The following TRIO variants were observed in gnomAD, a reference collection of about 807,000 sequenced individuals.
The protein encoded by TRIO is triple functional domain protein.
Under a neutral mutation model 351.9 loss-of-function variants are expected in TRIO, and 58 were observed. That is an observed-to-expected ratio of 0.16 (90% confidence interval 0.13 to 0.21). The LOEUF (loss-of-function observed/expected upper bound fraction) is 0.21. Ranked by LOEUF, TRIO falls within the 10% of genes least tolerant of loss-of-function variation. TRIO has a pLI of 1.00. For synonymous variants in TRIO, 1,758 were observed against 1,595.7 expected (o/e 1.10, Z -2.42); for missense variants, 3,201 against 4,027.8 (o/e 0.79, Z 5.56).
intron 1 of TRIO, among the ~76,000 whole-genome samples, chr5:14,241,843 T>C (rs572321182): frequency 6.6e-6 from 1 of 152,342 alleles, no homozygotes; most frequent in East Asian, 1.9e-4. Context: ...GCCAAAGATG[T>C]GGGACAAATT....
chr5:14,479,441 C>A, intron 42 of TRIO, 91 bp downstream of exon 42: 1 of 1,167,904 alleles, frequency 8.6e-7, no homozygotes, highest in Non-Finnish European at 1.2e-6. Context: ...TCCCAGGAGA[C>A]TAATTTCCAA....
At chr5:14,204,687 G>T (rs550953922) in intron 1 of TRIO, among the ~76,000 whole-genome samples, 8 of 152,284 alleles carry the variant, frequency 5.3e-5, no homozygotes, top group African/African-American at 1.9e-4. Context: ...ATGCTATTCA[G>T]ATTTTGGGGA....
chr5:14,336,492 C>T (rs1579359593), intron 10 of TRIO, 44 bp from the exon 11 acceptor site: 1 of 1,602,176 alleles, frequency 6.2e-7, no homozygotes, highest in Non-Finnish European at 8.5e-7. Flanking sequence ...GGCTGGTCTG[C>T]TTTTCACTTA....
chr5:14,349,191 T>C (rs968622751), intron 11 of TRIO, among the ~76,000 whole-genome samples: 3 of 151,390 alleles, frequency 2.0e-5, no homozygotes, highest in Admixed American at 6.6e-5. Flanking sequence ...TTCCTGTGTG[T>C]ATATGTGTGC....
Position 14,143,864 on chromosome 5 carries a change from G to A in TRIO, c.139G>A (p.Ala47Thr). The A allele has an allele frequency of 1.9e-6, 2 of 1,075,962 alleles. No individual in the cohort carries two copies. The highest frequency in any genetic ancestry group is 1.7e-5 in the African/African-American group (1 of 59,200). 66.7% of individuals were successfully genotyped at this position (1,075,962 alleles called of 1,614,324 possible). The change falls in exon 1 of 57, where the codon GCG (alanine) becomes ACG (threonine). Residue 47 changes from alanine (A) to threonine (T), a missense_variant. Around this residue, in one of 19 missense-constraint regions of TRIO, gnomAD observed 109 missense variants for 134.6 expected, o/e 0.81. Coordinates refer to ENST00000344204, the MANE Select transcript of TRIO (RefSeq NM_007118.4). ...GGCGGCCAAGGACCTGGCCGACATC[G>A]CGGCCTTCTTCCGATCCGGTGAGTG... Reference protein sequence around the residue: ...EEAAKDLADIAAFFRSGFRKN... With the variant: ...EEAAKDLADITAFFRSGFRKN...
At chr5:14,472,829 A>G (rs1431967545) in intron 39 of TRIO, among the ~76,000 whole-genome samples, 171 bp downstream of exon 39, 1 of 152,256 alleles carries the variant, frequency 6.6e-6, no homozygotes, top group Non-Finnish European at 1.5e-5. Context: ...AATTGTCTTT[A>G]CCATCTGTAT....
At chr5:14,283,072 C>A (rs149172062) in intron 3 of TRIO, among the ~76,000 whole-genome samples, 1 of 151,006 alleles carries the variant, frequency 6.6e-6, no homozygotes, top group East Asian at 1.9e-4. Flanking sequence ...TGGTTTTAAC[C>A]AAACAAATTA....
intron 34 of TRIO, among the ~76,000 whole-genome samples, chr5:14,451,085 A>G (rs1020393310): frequency 6.6e-6 from 1 of 152,224 alleles, no homozygotes; most frequent in Admixed American, 6.5e-5. Flanking sequence ...CCGAACCACC[A>G]AAAGGGTAAC....
intron 1 of TRIO, among the ~76,000 whole-genome samples, chr5:14,175,771 C>G (rs1176461791): frequency 6.6e-6 from 1 of 152,196 alleles, no homozygotes; most frequent in African/African-American, 2.4e-5. Context: ...ACTATACATG[C>G]ATTTAGTGAG....
intron 49 of TRIO, 66 bp from the exon 50 acceptor site, chr5:14,496,813 G>A (rs184970438): frequency 2.5e-6 from 4 of 1,576,964 alleles, no homozygotes; most frequent in East Asian, 2.3e-5. Flanking sequence ...TTTCTTTAAC[G>A]CTTCCAGGCA....
chr5:14,457,472 T>C (rs1753438607), intron 34 of TRIO, among the ~76,000 whole-genome samples: 1 of 147,684 alleles, frequency 6.8e-6, no homozygotes, highest in Non-Finnish European at 1.5e-5. Flanking sequence ...AGGAAATCTC[T>C]TTCGAACCAG....
At chr5:14,271,766 A>G (rs984533400) in intron 2 of TRIO, among the ~76,000 whole-genome samples, 6 of 152,260 alleles carry the variant, frequency 3.9e-5, no homozygotes, top group African/African-American at 1.4e-4. Flanking sequence ...TGATCTGTGT[A>G]TCCTCTTGAA....
intron 18 of TRIO, among the ~76,000 whole-genome samples, chr5:14,372,259 A>AGG (rs1211343553): frequency 6.9e-6 from 1 of 145,470 alleles, no homozygotes; most frequent in East Asian, 2.0e-4. Flanking sequence ...GGTGTGAGAG[A>AGG]GAGAGAGAGA....
At chr5:14,420,160 C>T (rs532131590) in intron 34 of TRIO, 139 bp downstream of exon 34, 19 of 1,309,778 alleles carry the variant, frequency 1.5e-5, no homozygotes, top group African/African-American at 1.0e-4. Flanking sequence ...ACTGACTGTC[C>T]GGGCATTTCC....
At chr5:14,299,860 C>T (rs2152292623) in intron 7 of TRIO, among the ~76,000 whole-genome samples, 1 of 152,368 alleles carries the variant, frequency 6.6e-6, no homozygotes, top group African/African-American at 2.4e-5. Flanking sequence ...CAGCCGCCTT[C>T]TCTGTAAGGA....
At chr5:14,221,795 TG>T (rs1371458189) in intron 1 of TRIO, among the ~76,000 whole-genome samples, 6 of 152,256 alleles carry the variant, frequency 3.9e-5, no homozygotes, top group Non-Finnish European at 7.3e-5. Context: ...GAAGATGCTG[TG>T]AACTTGGTTG....
intron 2 of TRIO, among the ~76,000 whole-genome samples, chr5:14,271,383 A>G (rs1161284260): frequency 6.6e-5 from 10 of 152,264 alleles, no homozygotes; most frequent in African/African-American, 2.2e-4. Flanking sequence ...ACTAGGACCC[A>G]TGTCATGGAC....
chr5:14,221,816 C>T (rs746024886), intron 1 of TRIO, among the ~76,000 whole-genome samples: 8 of 152,208 alleles, frequency 5.3e-5, no homozygotes, highest in Admixed American at 1.3e-4. Flanking sequence ...GAAGTGACAA[C>T]AAAGGATTTC....
At chr5:14,499,324 T>C (rs1444783706) in intron 53 of TRIO, 1 of 152,404 alleles carries the variant, frequency 6.6e-6, no homozygotes, top group African/African-American at 2.4e-5. Context: ...AGAACCAATA[T>C]CTTAGGCTCT....
Sources: gnomAD v4.1 joint callset for allele counts (sites outside exome capture counted in the v4.1 genomes callset) on GRCh38, gnomAD v4.1.1 for gene constraint, gnomAD v4.1.1 regional missense constraint, MANE v1.5 for transcripts, NCBI Gene and HGNC (gene_info 2026-07-23, HGNC 2026-07-21) for gene names.